The following ANKRD36C variants were observed in gnomAD, a reference collection of about 807,000 sequenced individuals.
ANKRD36C encodes the protein ankyrin repeat domain-containing protein 36C.
A neutral mutation model predicts 276.4 loss-of-function variants in ANKRD36C; 61 were observed. The observed-to-expected ratio is 0.22, with a 90% CI of 0.18 to 0.27. The LOEUF (loss-of-function observed/expected upper bound fraction) is 0.27. ANKRD36C is among the 10% of genes least tolerant of loss of function. The pLI, the probability that ANKRD36C is intolerant of heterozygous loss-of-function variation, is 1.00. For missense variants in ANKRD36C, 1,447 were observed against 2,032.3 expected, an observed-to-expected ratio of 0.71 and a Z score of 5.54; for synonymous variants, 483 against 680.1, an observed-to-expected ratio of 0.71 and a Z score of 4.51.
chr2:95,902,981 T>G (rs1676701874), intron 42 of ANKRD36C, 23 bp from the exon 54 acceptor site: 9 of 1,576,292 alleles, frequency 5.7e-6, no homozygotes, highest in Middle Eastern at 2.3e-4. Context: ...TGAAATGCAA[T>G]AATAAATTAA....
intron 17 of ANKRD36C, among the ~76,000 whole-genome samples, chr2:95,946,937 T>C (rs1046018821): frequency 6.6e-5 from 10 of 152,012 alleles, no homozygotes; most frequent in Admixed American, 2.0e-4. Flanking sequence ...AGGGATAGCA[T>C]TGGGAGATAT....
chr2:95,912,753 A>G (rs1254429937), intron 40 of ANKRD36C, among the ~76,000 whole-genome samples: 1 of 151,506 alleles, frequency 6.6e-6, no homozygotes, highest in Non-Finnish European at 1.5e-5. Context: ...CAGAGGAGCA[A>G]CTCATACACG....
intron 25 of ANKRD36C, 34 bp from the exon 26 acceptor site, chr2:95,929,178 T>G: frequency 2.5e-6 from 4 of 1,599,108 alleles, no homozygotes; most frequent in Non-Finnish European, 2.5e-6. Context: ...AATCAATATG[T>G]AAAGTAGGTT....
chr2:95,897,248 T>C (rs1676578909), intron 44 of ANKRD36C, 22 bp downstream of exon 60: 2 of 1,451,898 alleles, frequency 1.4e-6, no homozygotes, highest in Admixed American at 2.1e-5. Flanking sequence ...GAACATGACA[T>C]TAAATCTCTT....
chr2:95,886,577 A>G (rs1022372898), intron 50 of ANKRD36C, among the ~76,000 whole-genome samples: 7 of 151,788 alleles, frequency 4.6e-5, no homozygotes, highest in Non-Finnish European at 1.0e-4. Flanking sequence ...TCACCTGGAA[A>G]TCAATGTCAA....
intron 18 of ANKRD36C, among the ~76,000 whole-genome samples, 161 bp from the exon 19 acceptor site, chr2:95,944,855 T>C (rs1185578764): frequency 6.6e-6 from 1 of 152,288 alleles, no homozygotes; most frequent in Non-Finnish European, 1.5e-5. Flanking sequence ...CTGGCCAACA[T>C]GGTGAAACTC....
In ANKRD36C at chr2:95,855,246, T is replaced by C. The variant is rs1675381074; in HGVS notation, c.4995+20A>G. The C allele has an allele frequency of 1.3e-6, 2 of 1,526,120 alleles. No homozygotes were observed. The highest frequency in any genetic ancestry group is 2.8e-5 in the African/African-American group (2 of 71,482). 94.5% of individuals were successfully genotyped at this position (1,526,120 alleles called of 1,614,324 possible). ...TTACTTCAGGAAGTTTGAAAAATAC[T>C]TATTTTTCTTGATACTTACTTCTCT... On this transcript the variant is annotated intron_variant, in intron 63 of 66. Coordinates refer to ENST00000456556, the Ensembl canonical transcript of ANKRD36C.
intron 48 of ANKRD36C, among the ~76,000 whole-genome samples, chr2:95,888,836 T>C (rs965796349): frequency 7.9e-5 from 12 of 151,674 alleles, no homozygotes; most frequent in Non-Finnish European, 1.8e-4. Flanking sequence ...GTTGACATAC[T>C]TCTACAATGT....
intron 1 of ANKRD36C, among the ~76,000 whole-genome samples, chr2:95,988,083 AG>A (rs1215159156): frequency 1.3e-5 from 2 of 151,566 alleles, no homozygotes; most frequent in Non-Finnish European, 2.9e-5. Context: ...AGTGGGATAC[AG>A]TTCATAGAAC....
At chr2:95,881,631 T>C (rs1303717662) in intron 56 of ANKRD36C, among the ~76,000 whole-genome samples, 1 of 152,208 alleles carries the variant, frequency 6.6e-6, no homozygotes, top group Non-Finnish European at 1.5e-5. Context: ...CTAATAAACA[T>C]GAATAATGAG....
chr2:95,859,776 G>A (rs1177019529), intron 61 of ANKRD36C, 85 bp downstream of exon 81: 1 of 1,445,374 alleles, frequency 6.9e-7, no homozygotes, highest in Non-Finnish European at 9.4e-7. Flanking sequence ...ATCCTAGAAG[G>A]AAAGTTCGCA....
chr2:95,881,621 C>T (rs1373194082), intron 56 of ANKRD36C, among the ~76,000 whole-genome samples: 1 of 152,178 alleles, frequency 6.6e-6, no homozygotes, highest in African/African-American at 2.4e-5. Flanking sequence ...ATGTCTGATA[C>T]TAATAAACAT....
At chr2:95,918,407 CAT>C (rs1376223290) in intron 34 of ANKRD36C, among the ~76,000 whole-genome samples, 1 of 151,674 alleles carries the variant, frequency 6.6e-6, no homozygotes, top group Non-Finnish European at 1.5e-5. Flanking sequence ...CATGATCCCA[CAT>C]GTCTTTCATG....
chr2:95,885,671 T>C (rs1676183228), intron 52 of ANKRD36C, among the ~76,000 whole-genome samples: 1 of 151,932 alleles, frequency 6.6e-6, no homozygotes, highest in Admixed American at 6.6e-5. Context: ...TAGGATCACT[T>C]TTCCCTCCGT....
exon 46 of ANKRD36C, chr2:95,891,713 C>G (rs577035671): frequency 1.7e-4 from 265 of 1,581,078 alleles, no homozygotes; most frequent in African/African-American, 1.5e-3. Context: ...ATATTCAAAA[C>G]AGAATCTTTC....
At chr2:95,975,698 A>AT (rs1678795837) in intron 6 of ANKRD36C, among the ~76,000 whole-genome samples, 1 of 152,234 alleles carries the variant, frequency 6.6e-6, no homozygotes, top group African/African-American at 2.4e-5. Context: ...AGGCAATACC[A>AT]TTCAGGACAC....
At chr2:95,872,617 A>T (rs1675840701) in intron 59 of ANKRD36C, among the ~76,000 whole-genome samples, 1 of 152,082 alleles carries the variant, frequency 6.6e-6, no homozygotes, top group Admixed American at 6.5e-5. Context: ...CTAGAAAAGC[A>T]AGAGCAAACA....
chr2:95,980,792 T>C lies in ANKRD36C; in HGVS notation c.594-7A>G, dbSNP rs1384878439. On this transcript the variant is annotated splice_polypyrimidine_tract_variant and splice_region_variant and intron_variant, in intron 4 of 66. Transcript: ENST00000456556. ...AGCATGTATGAGGGCTGATCTAAAA[T>C]AACAGAGAGGTAATTAAAAACTTTA... 7 of 1,575,076 alleles carry C rather than the reference T, an allele frequency of 4.4e-6. No homozygotes were observed. Among genetic ancestry groups the C allele is most frequent in the Non-Finnish European group, 6.0e-6 (7 of 1,158,044 alleles).
exon 59 of ANKRD36C, chr2:95,876,506 T>G: frequency 6.2e-7 from 1 of 1,609,262 alleles, no homozygotes; most frequent in Non-Finnish European, 8.5e-7. Context: ...TTCTAAGTCT[T>G]GTTCTGCTAA....
Sources: gnomAD v4.1 joint callset for allele counts (sites outside exome capture counted in the v4.1 genomes callset) on GRCh38, gnomAD v4.1.1 for gene constraint, MANE v1.5 for transcripts, NCBI Gene and HGNC (gene_info 2026-07-23, HGNC 2026-07-21) for gene names.